TDRP: variants seen among roughly 807,000 people sequenced by gnomAD.
TDRP encodes testis development related protein, also known as testis development-related protein.
A neutral mutation model predicts 10.5 loss-of-function variants in TDRP; 12 were observed. That is an observed-to-expected ratio of 1.15 (90% CI 0.73 to 1.86). TDRP has a LOEUF of 1.86. Ranked by LOEUF, TDRP falls within the 40% of genes most tolerant of loss-of-function variation. TDRP has a pLI of 0.00. For synonymous variants in TDRP, 139 were observed against 95.4 expected (o/e 1.46, Z -2.67); for missense variants, 353 against 229.2 (o/e 1.54, Z -3.49).
intron 1 of TDRP, among the ~76,000 whole-genome samples, chr8:505,722 C>A (rs1197208963): frequency 6.6e-6 from 1 of 152,216 alleles, no homozygotes; most frequent in Non-Finnish European, 1.5e-5. Flanking sequence ...TGATTACTCT[C>A]ACAGCCCAGG....
At chr8:520,664 T>C (rs932037204) in intron 1 of TDRP, among the ~76,000 whole-genome samples, 3 of 152,216 alleles carry the variant, frequency 2.0e-5, no homozygotes, top group African/African-American at 7.2e-5. Flanking sequence ...CATCTCATCA[T>C]GGTTTTGATT....
chr8:519,605 C>A (rs921900648), intron 1 of TDRP, among the ~76,000 whole-genome samples: 1 of 152,140 alleles, frequency 6.6e-6, no homozygotes, highest in African/African-American at 2.4e-5. Flanking sequence ...TCGTGACCAC[C>A]ATTCTGCTTT....
At chr8:529,275 CCTA>C (rs1422460438) in intron 1 of TDRP, among the ~76,000 whole-genome samples, 2 of 152,150 alleles carry the variant, frequency 1.3e-5, no homozygotes, top group Non-Finnish European at 2.9e-5. Context: ...AATATACACA[CCTA>C]CTATGATCCC....
At chr8:516,833 G>A (rs138211186) in intron 1 of TDRP, among the ~76,000 whole-genome samples, 9 of 152,282 alleles carry the variant, frequency 5.9e-5, no homozygotes, top group South Asian at 4.1e-4. Flanking sequence ...AGCTTTATTC[G>A]GAAATGCTAG....
At position 543,611 on chromosome 8, in the gene TDRP, G is replaced by C. The variant is rs564774024; in HGVS notation, c.108+1039C>G. ...TACCTAAAAGAAATTTCTCAGACAA[G>C]TTCAGATAGTAACCATATTTAAGCG... On this transcript the variant is annotated intron_variant, in intron 1 of 2. Transcript: ENST00000324079. 3.3e-5 allele frequency among the ~76,000 whole-genome samples: 5 copies of C among 150,458 alleles called. No individual in the cohort carries two copies. In the South Asian group the frequency reaches 6.3e-4, roughly 19 times the overall value.
intron 1 of TDRP, among the ~76,000 whole-genome samples, chr8:501,021 A>G (rs1375863766): frequency 6.6e-6 from 1 of 152,112 alleles, no homozygotes; most frequent in Admixed American, 6.5e-5. Context: ...CCTGGCTAAC[A>G]CGGTGAAACC....
Position 492,147 on chromosome 8 carries a change from A to G in TDRP, c.*252T>C. On this transcript the variant is annotated 3_prime_UTR_variant, in exon 3 of 3. Transcript: ENST00000324079. ...GAGAGCATCATAAATTCACATCTCC[A>G]GTTTCTGCAAAACATGGACTGATAG... 4.0e-6 allele frequency: 5 copies of G among 1,249,636 alleles called. No individual in the cohort carries two copies. Among genetic ancestry groups the G allele is most frequent in the Non-Finnish European group, 5.0e-6 (5 of 998,752 alleles). 77.4% of individuals were successfully genotyped at this position (1,249,636 alleles called of 1,614,324 possible).
At chr8:496,705 G>C (rs1216337383) in intron 1 of TDRP, among the ~76,000 whole-genome samples, 1 of 152,154 alleles carries the variant, frequency 6.6e-6, no homozygotes, top group African/African-American at 2.4e-5. Flanking sequence ...TGTCCTAAAG[G>C]TGTGATACGG....
chr8:504,923 T>G (rs1801414278), intron 1 of TDRP, among the ~76,000 whole-genome samples: 1 of 152,126 alleles, frequency 6.6e-6, no homozygotes, highest in African/African-American at 2.4e-5. Context: ...TATGTCCTTT[T>G]TAAGATACAT....
At chr8:542,134 T>A (rs1802510633) in intron 1 of TDRP, among the ~76,000 whole-genome samples, 1 of 152,154 alleles carries the variant, frequency 6.6e-6, no homozygotes, top group Admixed American at 6.5e-5. Context: ...CTTAAATGCA[T>A]CTTTCTAAGT....
intron 1 of TDRP, 104 bp from the exon 2 acceptor site, chr8:494,701 G>C: frequency 2.0e-6 from 2 of 999,698 alleles, no homozygotes; most frequent in African/African-American, 1.6e-5. Context: ...AAAAGAATTG[G>C]CAGAGCTTAC....
intron 1 of TDRP, among the ~76,000 whole-genome samples, chr8:542,198 C>G (rs1802511964): frequency 6.6e-6 from 1 of 152,170 alleles, no homozygotes. Context: ...AAATGACATT[C>G]TGGAAAACTA....
rs560628722 is a variant in TDRP at position 508,786 on chromosome 8, T to C, written c.109-14189A>G. On this transcript the variant is annotated intron_variant, in intron 1 of 2. Coordinates refer to ENST00000324079, the MANE Select transcript of TDRP (RefSeq NM_001384899.1). The stretch of plus-strand genomic sequence containing the variant: ...ACAGTTCCCCAAAGTCTTAATTCAT[T>C]TCAGCATTAACTCAAAAGTCCAAAT... Among the ~76,000 whole-genome samples, 158 of 152,322 alleles carry C rather than the reference T, an allele frequency of 1.0e-3. 1 individual carries two copies. Among genetic ancestry groups the C allele is most frequent in the African/African-American group, 3.7e-3 (152 of 41,578 alleles).
In TDRP at chr8:491,268, T is replaced by C. The variant is rs1800964469; in HGVS notation, c.*1131A>G. The C allele has an allele frequency of 5.2e-6, 1 of 192,388 alleles. No homozygotes were observed. The highest frequency in any genetic ancestry group is 1.9e-4 in the South Asian group (1 of 5,274). 11.9% of individuals were successfully genotyped at this position (192,388 alleles called of 1,614,324 possible). ...ATGCACAGTGTAACTGGAGGTTTTA[T>C]TTTACTTTTAAACAAAAAAGAAAAA... On this transcript the variant is annotated 3_prime_UTR_variant, in exon 3 of 3. Coordinates refer to ENST00000324079, the MANE Select transcript of TDRP (RefSeq NM_001384899.1).
intron 2 of TDRP, 53 bp from the exon 3 acceptor site, chr8:492,797 G>A: frequency 7.6e-7 from 1 of 1,314,360 alleles, no homozygotes. Context: ...AGGGCCTCAA[G>A]CTTTATCCAT....
Position 525,861 on chromosome 8 carries a change from A to T in TDRP, c.108+18789T>A, listed in dbSNP as rs144505907. ...TGTAAATGGACGAAACTCTCCAATC[A>T]GTTTGAGTACAATTGCTATTAGTAT... On this transcript the variant is annotated intron_variant, in intron 1 of 2. Coordinates refer to ENST00000324079, the MANE Select transcript of TDRP (RefSeq NM_001384899.1). 1.3e-3 allele frequency among the ~76,000 whole-genome samples: 204 copies of T among 152,340 alleles called. 1 individual carries two copies. The highest frequency in any genetic ancestry group is 4.7e-3 in the African/African-American group (196 of 41,582).
In TDRP at chr8:517,958, G is replaced by A. The variant is rs1281951314; in HGVS notation, c.109-23361C>T. Among the ~76,000 whole-genome samples, 3 of 152,168 alleles carry A rather than the reference G, an allele frequency of 2.0e-5. No individual in the cohort carries two copies. The South Asian group carries it at 6.2e-4, about 32-fold the overall frequency. On this transcript the variant is annotated intron_variant, in intron 1 of 2. Transcript: ENST00000324079. Reference sequence around the variant, plus strand: ...CCGTGGTTGCAAAGGGTTCAGGGGAGGGAGGGATGAAAAGGTGGAGCACAG... The same window carrying A: ...CCGTGGTTGCAAAGGGTTCAGGGGAAGGAGGGATGAAAAGGTGGAGCACAG...
intron 1 of TDRP, among the ~76,000 whole-genome samples, chr8:518,404 G>C (rs1801812795): frequency 6.6e-6 from 1 of 152,182 alleles, no homozygotes; most frequent in African/African-American, 2.4e-5. Context: ...TGTGCTACCA[G>C]TTATTAAATG....
rs1402465466 is a variant in TDRP at position 492,650 on chromosome 8, G to T, written c.307C>A (p.Pro103Thr). The change falls in exon 3 of 3, where the codon CCA (proline) becomes ACA (threonine). Residue 103 changes from proline (P) to threonine (T), a missense_variant. Physicochemically the swap from Pro to Thr is conservative, Grantham distance 38. Transcript: ENST00000324079. ...GGCTCCCAACCTTCAATTTCATCTG[G>T]TTTTTTAGACTGTATATTCTGTTTT... is the stretch of plus-strand genomic sequence containing the variant. The part of the protein sequence containing the change: ...VLKQNIQSKK[P>T]DEIEGWEPPK... 5.0e-6 allele frequency: 8 copies of T among 1,613,824 alleles called. No homozygotes were observed. In the African/African-American group the frequency reaches 8.0e-5, roughly 16 times the overall value.
Sources: gnomAD v4.1 joint callset for allele counts (sites outside exome capture counted in the v4.1 genomes callset) on GRCh38, gnomAD v4.1.1 for gene constraint, MANE v1.5 for transcripts, NCBI Gene and HGNC (gene_info 2026-07-23, HGNC 2026-07-21) for gene names.